MYT1L: variants seen among roughly 807,000 people sequenced by gnomAD.
MYT1L encodes myelin transcription factor 1 like, also known as myelin transcription factor 1-like protein.
A neutral mutation model predicts 126.7 loss-of-function variants in MYT1L; 12 were observed. The observed-to-expected ratio is 0.09, with a 90% confidence interval of 0.06 to 0.15. The LOEUF (loss-of-function observed/expected upper bound fraction) is 0.15. MYT1L is among the 10% of genes least tolerant of loss of function. The pLI, the probability that MYT1L is intolerant of heterozygous loss-of-function variation, is 1.00. For synonymous variants in MYT1L, 541 were observed against 604.2 expected (o/e 0.90, Z 1.53); for missense variants, 979 against 1,585.2 (o/e 0.62, Z 6.49).
At chr2:2,239,461 G>A (rs1333498556) in intron 2 of MYT1L, among the ~76,000 whole-genome samples, 1 of 152,194 alleles carries the variant, frequency 6.6e-6, no homozygotes, top group Non-Finnish European at 1.5e-5. Flanking sequence ...CAAATTCAAG[G>A]AAAGTTAAAG....
chr2:2,212,276 C>T (rs2093548690), intron 2 of MYT1L, among the ~76,000 whole-genome samples: 1 of 144,860 alleles, frequency 6.9e-6, no homozygotes, highest in African/African-American at 2.6e-5. Context: ...TATTCAAACT[C>T]CCCCAGGATG....
chr2:2,299,132 G>T lies in MYT1L; in HGVS notation c.-520-14629C>A, dbSNP rs191430558. On this transcript the variant is annotated intron_variant, in intron 1 of 24. Transcript: ENST00000647738. ...CTCCCAAAGTGCTGGGATTACAGGC[G>T]TGAGCCACCGAGCCCTGCCAACTCT... 1.1e-3 allele frequency among the ~76,000 whole-genome samples: 164 copies of T among 152,306 alleles called. 1 individual carries two copies. The highest frequency in any genetic ancestry group is 3.7e-3 in the African/African-American group (152 of 41,572).
chr2:2,005,019 C>CAT (rs2063061064), intron 4 of MYT1L, among the ~76,000 whole-genome samples: 1 of 146,424 alleles, frequency 6.8e-6, no homozygotes, highest in Non-Finnish European at 1.5e-5. Flanking sequence ...TTCTTTCCTG[C>CAT]GTGCCTTCTT....
At chr2:1,839,623 T>C (rs1273748288) in intron 20 of MYT1L, among the ~76,000 whole-genome samples, 1 of 152,256 alleles carries the variant, frequency 6.6e-6, no homozygotes, top group Non-Finnish European at 1.5e-5. Context: ...ACAAAGTGTA[T>C]GTGCCTGGTG....
Position 1,790,237 on chromosome 2 carries a change from AAC to A in MYT1L, c.*1628_*1629del, listed in dbSNP as rs1422569567. The A allele has an allele frequency of 2.0e-5, 3 of 152,328 alleles. No individual in the cohort carries two copies. The East Asian group carries it at 5.8e-4, about 29-fold the overall frequency. 9.4% of individuals were successfully genotyped at this position (152,328 alleles called of 1,614,324 possible). A position where few individuals can be genotyped will look rare whatever the true frequency, so the allele number is the denominator to read the frequency against. On this transcript the variant is annotated 3_prime_UTR_variant, in exon 25 of 25. Transcript: ENST00000647738. ...AAATATTTTTTTTTTATTTTTACAA[AAC>A]CCATCTTTTTTTTATTTCATAACAA...
intron 18 of MYT1L, among the ~76,000 whole-genome samples, chr2:1,879,222 C>G (rs1265649350): frequency 6.6e-6 from 1 of 152,196 alleles, no homozygotes; most frequent in African/African-American, 2.4e-5. Context: ...ATCCCAAATC[C>G]TTGTCAATCA....
Position 1,979,645 on chromosome 2 carries a change from G to A in MYT1L, c.55+78C>T. On this transcript the variant is annotated intron_variant, in intron 6 of 24. Transcript: ENST00000647738. The surrounding 1 kb of genome is among the most constrained non-coding windows in gnomAD (Gnocchi z 4.0). ...TTACCAAAAGGGTGGCATGAAAGTG[G>A]GGTCAGAATCGACCTCAGTTCCGCA... 1 of 1,601,558 alleles carries A rather than the reference G, an allele frequency of 6.2e-7. No individual in the cohort carries two copies. Among genetic ancestry groups the A allele is most frequent in the Non-Finnish European group, 8.6e-7 (1 of 1,168,860 alleles).
At chr2:2,042,981 G>A (rs1460414777) in intron 4 of MYT1L, among the ~76,000 whole-genome samples, 1 of 152,184 alleles carries the variant, frequency 6.6e-6, no homozygotes, top group East Asian at 1.9e-4. Flanking sequence ...GGTGGCACGT[G>A]TGCTCTTGGA....
intron 2 of MYT1L, among the ~76,000 whole-genome samples, chr2:2,282,584 T>C (rs939630814): frequency 2.0e-5 from 3 of 152,222 alleles, no homozygotes; most frequent in Non-Finnish European, 4.4e-5. Flanking sequence ...GCAATTCTAC[T>C]GTGAATTTAT....
At chr2:1,867,792 CA>C (rs1170169406) in intron 18 of MYT1L, among the ~76,000 whole-genome samples, 2 of 152,146 alleles carry the variant, frequency 1.3e-5, no homozygotes, top group African/African-American at 2.4e-5. Context: ...GGTCATTGTT[CA>C]CACATTACCT....
intron 2 of MYT1L, among the ~76,000 whole-genome samples, chr2:2,213,060 C>T (rs756363999): frequency 1.2e-4 from 18 of 152,080 alleles, no homozygotes; most frequent in African/African-American, 3.6e-4. Context: ...GAGGAACTAA[C>T]GAAAATAGGA....
intron 14 of MYT1L, among the ~76,000 whole-genome samples, chr2:1,894,821 C>T (rs1022209849): frequency 6.6e-6 from 1 of 152,162 alleles, no homozygotes; most frequent in Non-Finnish European, 1.5e-5. Context: ...AGAGACTTCT[C>T]GTCATGAGCC....
At chr2:2,243,146 A>G (rs1239694777) in intron 2 of MYT1L, among the ~76,000 whole-genome samples, 1 of 152,200 alleles carries the variant, frequency 6.6e-6, no homozygotes, top group Non-Finnish European at 1.5e-5. Context: ...TTGGAAAACC[A>G]AAGGAGAAAT....
chr2:2,291,929 C>T (rs1370497044), intron 1 of MYT1L, among the ~76,000 whole-genome samples: 6 of 152,252 alleles, frequency 3.9e-5, no homozygotes, highest in Admixed American at 1.3e-4. Flanking sequence ...GAGTGCGATT[C>T]TAAGAGTGCA....
intron 3 of MYT1L, among the ~76,000 whole-genome samples, chr2:2,139,401 C>A (rs2083592526): frequency 6.6e-6 from 1 of 151,732 alleles, no homozygotes; most frequent in African/African-American, 2.4e-5. Context: ...GGGTGGATCA[C>A]CTGAGGTCAG....
At chr2:2,062,014 G>A (rs569522483) in intron 3 of MYT1L, among the ~76,000 whole-genome samples, 60 of 152,250 alleles carry the variant, frequency 3.9e-4, no homozygotes, top group African/African-American at 1.4e-3. Flanking sequence ...CTACCACAGG[G>A]GGCTGCGCGG....
chr2:1,909,603 A>G (rs368917074), intron 13 of MYT1L, among the ~76,000 whole-genome samples: 2 of 152,326 alleles, frequency 1.3e-5, no homozygotes, highest in East Asian at 3.9e-4. Context: ...AAACTTCAAT[A>G]AAACAGTGGT....
At chr2:2,014,405 C>T (rs2064157855) in intron 4 of MYT1L, among the ~76,000 whole-genome samples, 1 of 152,192 alleles carries the variant, frequency 6.6e-6, no homozygotes, top group African/African-American at 2.4e-5. Context: ...TCACTGCTGA[C>T]AGCCCTGGGA....
At chr2:2,065,337 A>C (rs2071092035) in intron 3 of MYT1L, among the ~76,000 whole-genome samples, 3 of 152,250 alleles carry the variant, frequency 2.0e-5, no homozygotes, top group Admixed American at 2.0e-4. Flanking sequence ...TAATGGCTAC[A>C]AAGTCACAAA....
Sources: gnomAD v4.1 joint callset for allele counts (sites outside exome capture counted in the v4.1 genomes callset) on GRCh38, gnomAD v4.1.1 for gene constraint, Gnocchi (gnomAD v3.1) non-coding constraint, MANE v1.5 for transcripts, NCBI Gene and HGNC (gene_info 2026-07-23, HGNC 2026-07-21) for gene names.